The following CABP1 variants were observed in gnomAD, a reference collection of about 807,000 sequenced individuals.
The protein encoded by CABP1 is calcium-binding protein 1.
In CABP1, 17 loss-of-function variants were observed where a neutral mutation model predicts 34.3. That is an observed-to-expected ratio of 0.50 (90% CI 0.34 to 0.74). The LOEUF (loss-of-function observed/expected upper bound fraction) is 0.74. Among genes scored for constraint, CABP1 ranks in the 30% least tolerant of loss-of-function variants. The pLI is 0.01. For synonymous variants in CABP1, 198 were observed against 229.2 expected, an observed-to-expected ratio of 0.86 and a Z score of 1.23; for missense variants, 373 against 511.1, an observed-to-expected ratio of 0.73 and a Z score of 2.61.
chr12:120,652,016 A>G (rs899740320), intron 1 of CABP1, among the ~76,000 whole-genome samples: 2 of 152,216 alleles, frequency 1.3e-5, no homozygotes, highest in Non-Finnish European at 2.9e-5. Context: ...CAGCATGCTT[A>G]AGAGTCAGAT....
the CABP1 span, among the ~76,000 whole-genome samples, chr12:120,678,081 C>T: frequency 6.6e-6 from 1 of 152,176 alleles, no homozygotes; most frequent in African/African-American, 2.4e-5. Flanking sequence ...CTCCCAGAGG[C>T]CCAAGGTGAG....
chr12:120,673,080 T>G, the CABP1 span, among the ~76,000 whole-genome samples: 1 of 152,132 alleles, frequency 6.6e-6, no homozygotes, highest in Non-Finnish European at 1.5e-5. Flanking sequence ...AGGGAATTAT[T>G]ACTATAAAAG....
chr12:120,656,348 G>A, intron 1 of CABP1: 1 of 1,379,244 alleles, frequency 7.3e-7, no homozygotes, highest in Admixed American at 2.8e-5. Context: ...TGAAGAAGGG[G>A]TCTATACAGA....
At chr12:120,672,718 A>G in the CABP1 span, among the ~76,000 whole-genome samples, 5 of 151,530 alleles carry the variant, frequency 3.3e-5, no homozygotes, top group Non-Finnish European at 4.4e-5. Context: ...GGTGAAAAAA[A>G]AAAAAAAAAC....
chr12:120,648,718 TA>T (rs1420067283), intron 1 of CABP1, among the ~76,000 whole-genome samples: 1 of 151,738 alleles, frequency 6.6e-6, no homozygotes, highest in Non-Finnish European at 1.5e-5. Context: ...CCATCTCTAC[TA>T]AAAATACAAA....
chr12:120,671,698 A>G (rs1434281463), downstream of CABP1, among the ~76,000 whole-genome samples: 1 of 152,234 alleles, frequency 6.6e-6, no homozygotes, highest in African/African-American at 2.4e-5. Flanking sequence ...AAGATAGAAG[A>G]AAACCCAGGC....
At chr12:120,647,784 G>A (rs7968602) in intron 1 of CABP1, among the ~76,000 whole-genome samples, 1 of 141,428 alleles carries the variant, frequency 7.1e-6, no homozygotes, top group African/African-American at 2.7e-5. Context: ...GTTTCACCAC[G>A]TTGGCCAGGC....
Position 120,662,788 on chromosome 12 carries a change from G to A in CABP1, c.1087+1570G>A, listed in dbSNP as rs540015061. Among the ~76,000 whole-genome samples, 42 of 150,960 alleles carry A rather than the reference G, an allele frequency of 2.8e-4. 1 individual carries two copies. The South Asian group carries it at 8.8e-3, about 32-fold the overall frequency. ...CAACCTCTGCCTCCTGGATTCAAGCGATTCTCCTGCCTCAGCCTCCCGAAT... is the reference window on the plus strand; with the variant it reads ...CAACCTCTGCCTCCTGGATTCAAGCAATTCTCCTGCCTCAGCCTCCCGAAT... On this transcript the variant is annotated intron_variant, in intron 5 of 5. Transcript: ENST00000316803.
Position 120,641,529 on chromosome 12 carries a change from G to A in CABP1, c.654+190G>A. On this transcript the variant is annotated intron_variant, in intron 1 of 5. Coordinates refer to ENST00000316803, the MANE Select transcript of CABP1 (RefSeq NM_001033677.2). This position sits in a 1 kb window ranked among gnomAD's most constrained non-coding sequence, Gnocchi z 6.7. ...CCCCGTGCCTGATTCAGCACCCCGTGCGCTGTCCACGCTCCGGGCCTCTTG... is the reference window on the plus strand; with the variant it reads ...CCCCGTGCCTGATTCAGCACCCCGTACGCTGTCCACGCTCCGGGCCTCTTG... 1.9e-6 allele frequency: 1 copy of A among 533,712 alleles called. No homozygotes were observed. The highest frequency in any genetic ancestry group is 4.4e-5 in the Admixed American group (1 of 22,620). 33.1% of individuals were successfully genotyped at this position (533,712 alleles called of 1,614,324 possible).
intron 5 of CABP1, among the ~76,000 whole-genome samples, chr12:120,664,858 G>C (rs1329536392): frequency 6.9e-6 from 1 of 145,188 alleles, no homozygotes; most frequent in Non-Finnish European, 1.5e-5. Flanking sequence ...CTGGGCAACA[G>C]AGCAAGACTC....
At chr12:120,647,742 A>ATT (rs11393885) in intron 1 of CABP1, among the ~76,000 whole-genome samples, 43 of 130,486 alleles carry the variant, frequency 3.3e-4, no homozygotes, top group Middle Eastern at 7.9e-3. Context: ...TAACTTTTGT[A>ATT]TTTTTTTTTT....
At chr12:120,672,518 G>C in the CABP1 span, among the ~76,000 whole-genome samples, 10 of 150,284 alleles carry the variant, frequency 6.7e-5, no homozygotes, top group South Asian at 1.0e-3. Context: ...TGTAATCCCA[G>C]CTACTTGGAA....
chr12:120,650,638 A>T (rs1442649294), intron 1 of CABP1: 1 of 1,613,948 alleles, frequency 6.2e-7, no homozygotes, highest in Non-Finnish European at 8.5e-7. Context: ...TCAACTTAGG[A>T]TGGGCAACTG....
rs763142621 is a variant in CABP1, at chr12:120,641,440, C to T, written c.654+101C>T. On this transcript the variant is annotated intron_variant, in intron 1 of 5. Transcript: ENST00000316803. This position sits in a 1 kb window ranked among gnomAD's most constrained non-coding sequence, Gnocchi z 6.7. ...GCCTCCTCCCGCGGCCCGTGGTCCCCCACGGATCACGCCTCGGCTCACCTC... is the reference window on the plus strand; with the variant it reads ...GCCTCCTCCCGCGGCCCGTGGTCCCTCACGGATCACGCCTCGGCTCACCTC... 348 of 1,175,120 alleles carry T rather than the reference C, an allele frequency of 3.0e-4. No individual in the cohort carries two copies. Among genetic ancestry groups the T allele is most frequent in the Non-Finnish European group, 3.4e-4 (320 of 935,278 alleles). The allele number at this position is 1,175,120 out of a possible 1,614,324, so 72.8% of individuals were successfully genotyped here.
chr12:120,658,532 G>A lies in CABP1; in HGVS notation c.655-1346G>A, dbSNP rs556242019. On this transcript the variant is annotated intron_variant, in intron 1 of 5. Coordinates refer to ENST00000316803, the MANE Select transcript of CABP1 (RefSeq NM_001033677.2). ...CTCCAAGCTCACACACACTCTCAAC[G>A]CTGTCCTGCCACACAGAGCTACCTC... 2.9e-4 allele frequency among the ~76,000 whole-genome samples: 44 copies of A among 152,218 alleles called. No homozygotes were observed. The South Asian group carries it at 9.1e-3, about 32-fold the overall frequency.
intron 1 of CABP1, chr12:120,656,366 C>G: frequency 8.2e-7 from 1 of 1,221,526 alleles, no homozygotes; most frequent in Non-Finnish European, 1.1e-6. Context: ...AGAGCTCACA[C>G]CCCCAACTTA....
At chr12:120,668,244 C>A (rs1476942396), downstream of CABP1, among the ~76,000 whole-genome samples, 1 of 152,206 alleles carries the variant, frequency 6.6e-6, no homozygotes, top group Non-Finnish European at 1.5e-5. Context: ...TGCCTGTAAT[C>A]CCAGCACTCT....
chr12:120,667,135 G>A lies in CABP1; in HGVS notation c.*235G>A, dbSNP rs1341170092. ...GACGAGGAGGCCACCGTGCCAAGCC[G>A]GCAGAGGTCATGCCAGGCGCCAAGG... On this transcript the variant is annotated 3_prime_UTR_variant, in exon 6 of 6. Transcript: ENST00000316803. 8.6e-6 allele frequency: 5 copies of A among 581,616 alleles called. No homozygotes were observed. The East Asian group carries it at 1.2e-4, about 14-fold the overall frequency. The allele number at this position is 581,616 out of a possible 1,614,324, so 36.0% of individuals were successfully genotyped here. A position where few individuals can be genotyped will look rare whatever the true frequency, so the allele number is the denominator to read the frequency against.
intron 5 of CABP1, chr12:120,662,219 G>A (rs896367746): frequency 6.6e-6 from 1 of 152,200 alleles, no homozygotes; most frequent in Non-Finnish European, 1.5e-5. Context: ...GGCTCCCTAA[G>A]ATCTGACCAC....
Sources: gnomAD v4.1 joint callset for allele counts (sites outside exome capture counted in the v4.1 genomes callset) on GRCh38, gnomAD v4.1.1 for gene constraint, Gnocchi (gnomAD v3.1) non-coding constraint, MANE v1.5 for transcripts, NCBI Gene and HGNC (gene_info 2026-07-23, HGNC 2026-07-21) for gene names.